The following DAGLB variants were observed in gnomAD, a reference collection of about 807,000 sequenced individuals.
DAGLB encodes the protein diacylglycerol lipase beta, also known as diacylglycerol lipase-beta.
A neutral mutation model predicts 72.1 loss-of-function variants in DAGLB; 66 were observed. That is an observed-to-expected ratio of 0.92 (90% confidence interval 0.75 to 1.12). The LOEUF (loss-of-function observed/expected upper bound fraction) is 1.12. DAGLB is among the 50% of genes most tolerant of loss of function. The pLI is 0.00. For missense variants in DAGLB, 1,065 were observed against 884.9 expected (o/e 1.20, Z -2.58); for synonymous variants, 414 against 359.5 (o/e 1.15, Z -1.71).
rs914033944 is a variant in DAGLB, at chr7:6,430,450, G to C, written c.929+30C>G. On this transcript the variant is annotated intron_variant, in intron 6 of 14. Transcript: ENST00000297056. ...AGCTTTTTTTTTTAAGGGAAATATG[G>C]CTATGGAGGCTCAGACTGTGCCAAC... 4 of 1,440,242 alleles carry C rather than the reference G, an allele frequency of 2.8e-6. No homozygotes were observed. In the African/African-American group the frequency reaches 5.7e-5, roughly 21 times the overall value. 89.2% of individuals were successfully genotyped at this position (1,440,242 alleles called of 1,614,324 possible).
At chr7:6,445,768 C>T (rs1784980653) in intron 2 of DAGLB, 185 bp downstream of exon 2, 1 of 641,904 alleles carries the variant, frequency 1.6e-6, no homozygotes, top group Non-Finnish European at 2.4e-6. Context: ...CCGCCTGGTA[C>T]AGGATTTCTT....
chr7:6,410,008 A>G lies in DAGLB; in HGVS notation c.1848T>C (p.Tyr616=). The stretch of plus-strand genomic sequence containing the variant: ...CCGCTTCGTGTGACCACTTGGCGCT[A>G]TAGTGAGCAGCAGAGCAGCAGCCAA... ...GRFGCCSAAH[Y]SAKWSHEAEF... is the part of the protein sequence containing the mutation. The change falls in exon 15 of 15, where the codon TAT becomes TAC. Residue 616 remains tyrosine (Y), a synonymous_variant. Coordinates refer to ENST00000297056, the MANE Select transcript of DAGLB (RefSeq NM_139179.4). 1 of 1,614,056 alleles carries G rather than the reference A, an allele frequency of 6.2e-7. No homozygotes were observed. Among genetic ancestry groups the G allele is most frequent in the Non-Finnish European group, 8.5e-7 (1 of 1,179,978 alleles).
At chr7:6,440,306 C>G (rs11980488) in intron 2 of DAGLB, among the ~76,000 whole-genome samples, 3,493 of 151,842 alleles carry the variant, frequency 0.023, 142 homozygotes, top group African/African-American at 0.08. Context: ...ATCACTTGAA[C>G]CCAGAAGGCG....
At chr7:6,442,773 C>A (rs1784872685) in intron 2 of DAGLB, among the ~76,000 whole-genome samples, 1 of 152,146 alleles carries the variant, frequency 6.6e-6, no homozygotes, top group African/African-American at 2.4e-5. Context: ...ACAGAGCTAG[C>A]TGGGTGCAGT....
At chr7:6,428,804 T>C (rs1437688767) in intron 6 of DAGLB, among the ~76,000 whole-genome samples, 1 of 151,832 alleles carries the variant, frequency 6.6e-6, no homozygotes, top group African/African-American at 2.4e-5. Context: ...GACATATATA[T>C]TTATTTAATT....
intron 11 of DAGLB, among the ~76,000 whole-genome samples, chr7:6,414,995 C>T (rs1430391583): frequency 6.6e-6 from 1 of 151,868 alleles, no homozygotes. Flanking sequence ...ATAGCAAGAC[C>T]CTGTTCCTTA....
At chr7:6,415,252 C>G (rs187580773) in intron 11 of DAGLB, among the ~76,000 whole-genome samples, 1 of 151,650 alleles carries the variant, frequency 6.6e-6, no homozygotes, top group African/African-American at 2.4e-5. Flanking sequence ...TGCTAGGCAA[C>G]AATTCATTAT....
chr7:6,421,783 C>T lies in DAGLB; in HGVS notation c.1162G>A (p.Ala388Thr), dbSNP rs1214251083. 2 of 1,613,166 alleles carry T rather than the reference C, an allele frequency of 1.2e-6. No homozygotes were observed. Among genetic ancestry groups the T allele is most frequent in the African/African-American group, 2.7e-5 (2 of 74,918 alleles). The change falls in exon 9 of 15, where the codon GCG becomes ACG. Residue 388 changes from alanine to threonine, a missense_variant. Transcript: ENST00000297056. ...TCCACGTCCAGCACCTCACTCTCCG[C>T]TGACAGGTCCGTAAGGACATCCTGT... ...SLQDVLTDLS[A>T]ESEVLDVECE... is the part of the protein sequence containing the mutation.
chr7:6,419,960 CAGAG>C (rs770377006), intron 9 of DAGLB, among the ~76,000 whole-genome samples: 2 of 152,202 alleles, frequency 1.3e-5, no homozygotes, highest in South Asian at 2.1e-4. Context: ...CTGGGCAACA[CAGAG>C]AGACCCCATC....
chr7:6,428,547 T>C (rs183156865), intron 6 of DAGLB, among the ~76,000 whole-genome samples: 63 of 151,268 alleles, frequency 4.2e-4, no homozygotes, highest in African/African-American at 1.4e-3. Flanking sequence ...AGGGCAATGG[T>C]GTGATCTCCA....
chr7:6,439,707 C>T (rs767004004), intron 2 of DAGLB, among the ~76,000 whole-genome samples: 12 of 152,138 alleles, frequency 7.9e-5, no homozygotes, highest in South Asian at 2.1e-4. Flanking sequence ...TCCAATCAAA[C>T]CTCCCACAAG....
intron 2 of DAGLB, among the ~76,000 whole-genome samples, chr7:6,443,043 C>G (rs1784880520): frequency 6.7e-6 from 1 of 148,836 alleles, no homozygotes; most frequent in African/African-American, 2.5e-5. Flanking sequence ...AATAGCCAGG[C>G]ACGGTGGCGG....
chr7:6,436,313 C>T, intron 3 of DAGLB, 49 bp downstream of exon 3: 1 of 1,571,170 alleles, frequency 6.4e-7, no homozygotes, highest in Non-Finnish European at 8.6e-7. Context: ...GGTTTGTTCA[C>T]CTATGCCTCA....
At chr7:6,421,301 T>G in intron 9 of DAGLB, among the ~76,000 whole-genome samples, 1 of 98,466 alleles carries the variant, frequency 1.0e-5, no homozygotes, top group East Asian at 6.9e-4. Flanking sequence ...AGGGCTGCTG[T>G]GAGAATCAGG....
At chr7:6,436,299 G>A (rs776549480) in intron 3 of DAGLB, 63 bp downstream of exon 3, 2 of 1,544,902 alleles carry the variant, frequency 1.3e-6, no homozygotes, top group African/African-American at 2.8e-5. Flanking sequence ...TGTCATGTTA[G>A]AAGGGTTTGT....
chr7:6,429,624 C>T (rs965120708), intron 6 of DAGLB, among the ~76,000 whole-genome samples: 11 of 151,816 alleles, frequency 7.2e-5, no homozygotes, highest in Admixed American at 4.6e-4. Flanking sequence ...TACCTGAGAC[C>T]GGGCCTGGTG....
At chr7:6,421,662 C>T (rs565849007) in intron 9 of DAGLB, 65 bp downstream of exon 9, 200 of 1,532,378 alleles carry the variant, frequency 1.3e-4, no homozygotes, top group Non-Finnish European at 1.6e-4. Context: ...CAGTCCCTGA[C>T]CCGAGGCACC....
intron 5 of DAGLB, 25 bp from the exon 6 acceptor site, chr7:6,430,632 T>C (rs576286758): frequency 6.4e-7 from 1 of 1,559,784 alleles, no homozygotes; most frequent in Non-Finnish European, 8.7e-7. Flanking sequence ...CAAAAACTAC[T>C]GTTTATTAAG....
At chr7:6,436,587 C>T (rs1297784862) in intron 2 of DAGLB, 54 bp from the exon 3 acceptor site, 3 of 1,607,002 alleles carry the variant, frequency 1.9e-6, no homozygotes, top group African/African-American at 1.3e-5. Context: ...AGATGAAGAG[C>T]TTCCTTTTTG....
Sources: gnomAD v4.1 joint callset for allele counts (sites outside exome capture counted in the v4.1 genomes callset) on GRCh38, gnomAD v4.1.1 for gene constraint, MANE v1.5 for transcripts, NCBI Gene and HGNC (gene_info 2026-07-23, HGNC 2026-07-21) for gene names.